MSRA: variants seen among roughly 807,000 people sequenced by gnomAD.
The protein encoded by MSRA is methionine sulfoxide reductase A.
Under a neutral mutation model 31.3 loss-of-function variants are expected in MSRA, and 54 were observed. The ratio of observed to expected loss-of-function variants is 1.73; its 90% CI spans 1.39 to 2.17. The LOEUF (loss-of-function observed/expected upper bound fraction) is 2.17. Among genes scored for constraint, MSRA ranks in the 30% most tolerant of loss-of-function variants. MSRA has a pLI of 0.00. For missense variants in MSRA, 507 were observed against 300.9 expected, an observed-to-expected ratio of 1.69 and a Z score of -5.07; for synonymous variants, 169 against 116.5, an observed-to-expected ratio of 1.45 and a Z score of -2.90.
intron 3 of MSRA, among the ~76,000 whole-genome samples, chr8:10,264,479 A>G (rs1798642098): frequency 1.3e-5 from 2 of 152,370 alleles, no homozygotes; most frequent in Admixed American, 1.3e-4. Flanking sequence ...ATTTCCAGCT[A>G]TATTTCAACT....
chr8:10,339,566 G>C (rs1376422193), intron 5 of MSRA, among the ~76,000 whole-genome samples: 1 of 122,884 alleles, frequency 8.1e-6, no homozygotes, highest in African/African-American at 3.3e-5. Context: ...TTCTGAGACG[G>C]AATCTCGTTC....
chr8:10,114,787 A>G (rs1354627852), intron 1 of MSRA, among the ~76,000 whole-genome samples: 2 of 152,210 alleles, frequency 1.3e-5, no homozygotes, highest in Admixed American at 6.5e-5. Context: ...GAAAGACTCA[A>G]TATTGTAAAG....
At chr8:10,109,196 T>C (rs1800103415) in intron 1 of MSRA, among the ~76,000 whole-genome samples, 1 of 152,244 alleles carries the variant, frequency 6.6e-6, no homozygotes, top group South Asian at 2.1e-4. Flanking sequence ...GCACTTTGGC[T>C]CAGGAACCAT....
intron 1 of MSRA, among the ~76,000 whole-genome samples, chr8:10,080,702 T>G (rs1437417057): frequency 6.6e-6 from 1 of 151,566 alleles, no homozygotes; most frequent in Non-Finnish European, 1.5e-5. Flanking sequence ...ATTTTTTTTT[T>G]TTTTTTTTTA....
intron 1 of MSRA, among the ~76,000 whole-genome samples, chr8:10,109,542 A>T (rs910038397): frequency 3.3e-5 from 5 of 151,944 alleles, no homozygotes; most frequent in African/African-American, 1.2e-4. Flanking sequence ...CGGTTTTACC[A>T]TGTTGCCCAG....
At chr8:10,241,017 C>T (rs1412111245) in intron 2 of MSRA, among the ~76,000 whole-genome samples, 3 of 152,030 alleles carry the variant, frequency 2.0e-5, no homozygotes, top group African/African-American at 4.8e-5. Flanking sequence ...GCATGATTCC[C>T]GATGTACAAC....
chr8:10,393,962 A>G (rs1284658929), intron 5 of MSRA, among the ~76,000 whole-genome samples: 3 of 152,212 alleles, frequency 2.0e-5, no homozygotes, highest in African/African-American at 7.2e-5. Flanking sequence ...GCCATCCCCC[A>G]GGCCTTGTGT....
intron 5 of MSRA, among the ~76,000 whole-genome samples, chr8:10,374,359 C>T (rs866359279): frequency 6.6e-6 from 1 of 152,126 alleles, no homozygotes; most frequent in African/African-American, 2.4e-5. Context: ...CCTTTGTGGA[C>T]CTTGGTGCTG....
chr8:10,229,159 A>G (rs1380394555), intron 2 of MSRA, among the ~76,000 whole-genome samples: 2 of 152,164 alleles, frequency 1.3e-5, no homozygotes, highest in Non-Finnish European at 2.9e-5. Flanking sequence ...TGACTCAGAG[A>G]CACACACTCA....
intron 3 of MSRA, among the ~76,000 whole-genome samples, chr8:10,259,535 G>C (rs1008438907): frequency 4.6e-5 from 7 of 152,240 alleles, no homozygotes; most frequent in Non-Finnish European, 8.8e-5. Context: ...GTGGCTGGGG[G>C]TGGGATTCCT....
chr8:10,315,994 A>T (rs570529596), intron 4 of MSRA, among the ~76,000 whole-genome samples: 1 of 152,352 alleles, frequency 6.6e-6, no homozygotes, highest in Non-Finnish European at 1.5e-5. Context: ...CTATAGAAGT[A>T]ATGTGTACTC....
intron 3 of MSRA, among the ~76,000 whole-genome samples, chr8:10,277,956 T>C (rs931704648): frequency 6.6e-6 from 1 of 152,196 alleles, no homozygotes; most frequent in African/African-American, 2.4e-5. Context: ...GAAGGAATTG[T>C]AAGAGTAGTA....
At chr8:10,161,874 C>G (rs1001230052) in intron 1 of MSRA, among the ~76,000 whole-genome samples, 1 of 152,142 alleles carries the variant, frequency 6.6e-6, no homozygotes, top group East Asian at 1.9e-4. Flanking sequence ...CATCTCTCCC[C>G]GCCTCTGACA....
At chr8:10,234,905 A>G (rs1811822629) in intron 2 of MSRA, among the ~76,000 whole-genome samples, 1 of 152,138 alleles carries the variant, frequency 6.6e-6, no homozygotes, top group Admixed American at 6.5e-5. Flanking sequence ...TGCTAATAGC[A>G]TAGCCTAAAC....
intron 1 of MSRA, among the ~76,000 whole-genome samples, chr8:10,165,756 G>C (rs560065476): frequency 6.6e-6 from 1 of 152,262 alleles, no homozygotes; most frequent in South Asian, 2.1e-4. Flanking sequence ...TCTGCCAATT[G>C]GAGGCATTGC....
At position 10,304,002 on chromosome 8, in the gene MSRA, C is replaced by T. The variant is rs147444368; in HGVS notation, c.436+2364C>T. 2.9e-3 allele frequency among the ~76,000 whole-genome samples: 435 copies of T among 152,284 alleles called. 2 individuals are homozygous for T. Among genetic ancestry groups the T allele is most frequent in the Non-Finnish European group, 3.1e-3 (211 of 68,016 alleles). ...TCAAGCTGGAGTGCAGTGGCGTGAT[C>T]GCGTCTCACTGAACCCTCCACCTCC... On this transcript the variant is annotated intron_variant, in intron 4 of 5. Transcript: ENST00000317173.
At chr8:10,095,424 G>A (rs1340092541) in intron 1 of MSRA, 10 of 971,282 alleles carry the variant, frequency 1.0e-5, no homozygotes, top group Admixed American at 6.2e-5. Flanking sequence ...ACCGTACCAC[G>A]GTTTCCTGTT....
At chr8:10,426,390 C>G (rs1374301161) in intron 5 of MSRA, among the ~76,000 whole-genome samples, 1 of 152,186 alleles carries the variant, frequency 6.6e-6, no homozygotes, top group Non-Finnish European at 1.5e-5. Flanking sequence ...TTCAGGATAC[C>G]AAGAAGTTAC....
chr8:10,309,755 T>C (rs1207811560), intron 4 of MSRA, among the ~76,000 whole-genome samples: 1 of 152,162 alleles, frequency 6.6e-6, no homozygotes, highest in Non-Finnish European at 1.5e-5. Context: ...GCAAGGACTC[T>C]TCTCTACTTG....
Sources: gnomAD v4.1 joint callset for allele counts (sites outside exome capture counted in the v4.1 genomes callset) on GRCh38, gnomAD v4.1.1 for gene constraint, MANE v1.5 for transcripts, NCBI Gene and HGNC (gene_info 2026-07-23, HGNC 2026-07-21) for gene names.